Variants in GAB2 observed in about 807,000 individuals in gnomAD.
GAB2 encodes GRB2-associated-binding protein 2.
Under a neutral mutation model 65.5 loss-of-function variants are expected in GAB2, and 26 were observed. The observed-to-expected ratio is 0.40, with a 90% CI of 0.29 to 0.55. The LOEUF (loss-of-function observed/expected upper bound fraction) is 0.55. Among genes scored for constraint, GAB2 ranks in the 20% least tolerant of loss-of-function variants. GAB2 has a pLI of 0.53. For missense variants in GAB2, 884 were observed against 875.8 expected (o/e 1.01, Z -0.12); for synonymous variants, 321 against 329.6 (o/e 0.97, Z 0.28).
At chr11:78,291,561 C>CT (rs1163199130) in intron 1 of GAB2, among the ~76,000 whole-genome samples, 56 of 80,892 alleles carry the variant, frequency 6.9e-4, no homozygotes, top group East Asian at 4.3e-3. Flanking sequence ...TTTTCTTTTT[C>CT]TTTTTTTTTT....
Position 78,240,349 on chromosome 11 carries a change from A to AG in GAB2, c.620+9807dup, listed in dbSNP as rs1408817105. The stretch of plus-strand genomic sequence containing the variant: ...GAATGGGTGCCCTAGCTGAGCTGAG[A>AG]GGGGGTGCATTCCAAGGCTGAGCTG... On this transcript the variant is annotated intron_variant, in intron 3 of 9. Coordinates refer to ENST00000361507, the MANE Select transcript of GAB2 (RefSeq NM_080491.3). Among the ~76,000 whole-genome samples the AG allele has an allele frequency of 3.3e-5, 5 of 151,864 alleles. No individual in the cohort carries two copies. In the South Asian group the frequency reaches 8.3e-4, roughly 25 times the overall value.
intron 2 of GAB2, among the ~76,000 whole-genome samples, chr11:78,265,732 G>C (rs1401874117): frequency 1.3e-5 from 2 of 152,034 alleles, no homozygotes; most frequent in African/African-American, 4.8e-5. Context: ...TAAAGTACAT[G>C]TTATATGTTT....
chr11:78,411,875 C>G (rs1156389403), intron 1 of GAB2, among the ~76,000 whole-genome samples: 4 of 151,974 alleles, frequency 2.6e-5, no homozygotes, highest in African/African-American at 9.7e-5. Context: ...ACTAAAAATA[C>G]AAAAATGAGC....
Position 78,222,943 on chromosome 11 carries a change from C to T in GAB2, c.1567+469G>A, listed in dbSNP as rs188963030. ...TCACCGTGACTACTCCCTGCTGCTC[C>T]TGGCCAGGTCGGTGCAAGCCACAGT... On this transcript the variant is annotated intron_variant, in intron 6 of 9. Transcript: ENST00000361507. Among the ~76,000 whole-genome samples, 924 of 152,312 alleles carry T rather than the reference C, an allele frequency of 6.1e-3. 7 individuals carry two copies. The highest frequency in any genetic ancestry group is 0.02 in the Middle Eastern group (6 of 294).
chr11:78,409,519 G>A (rs529207797), intron 1 of GAB2, among the ~76,000 whole-genome samples: 1 of 152,310 alleles, frequency 6.6e-6, no homozygotes, highest in Admixed American at 6.5e-5. Context: ...AGGAGGTGGA[G>A]GTTGCGGAGA....
At chr11:78,400,714 T>G (rs1045666400) in intron 1 of GAB2, among the ~76,000 whole-genome samples, 5 of 151,632 alleles carry the variant, frequency 3.3e-5, no homozygotes, top group Non-Finnish European at 5.9e-5. Flanking sequence ...ACCAGCCTGG[T>G]CAACAGAGCA....
At chr11:78,239,041 T>C (rs887563577) in intron 3 of GAB2, among the ~76,000 whole-genome samples, 1 of 150,694 alleles carries the variant, frequency 6.6e-6, no homozygotes, top group African/African-American at 2.4e-5. Flanking sequence ...CACTAATCAT[T>C]AGGGAAATAC....
Position 78,223,425 on chromosome 11 carries a change from T to C in GAB2, c.1554A>G (p.Lys518=). Residue 518 remains lysine, a synonymous_variant, in exon 6 of 10, where the codon AAA becomes AAG. Transcript: ENST00000361507. ...IQPPPVNRNL[K]PDRKAKPTPL... ...GAATGGACTTACCTTTCCGATCAGG[T>C]TTGAGGTTGCGGTTGACAGGGGGTG... 1 of 1,559,340 alleles carries C rather than the reference T, an allele frequency of 6.4e-7. No individual in the cohort carries two copies. Among genetic ancestry groups the C allele is most frequent in the East Asian group, 2.3e-5 (1 of 43,652 alleles).
chr11:78,282,826 A>G (rs1362379937), intron 1 of GAB2, among the ~76,000 whole-genome samples: 2 of 152,162 alleles, frequency 1.3e-5, no homozygotes, highest in Non-Finnish European at 2.9e-5. Flanking sequence ...TAATTCTACC[A>G]TCTTTTCACT....
chr11:78,362,974 G>T (rs1052368940), intron 1 of GAB2, among the ~76,000 whole-genome samples: 10 of 152,060 alleles, frequency 6.6e-5, no homozygotes, highest in African/African-American at 1.7e-4. Flanking sequence ...TATAAAGCAA[G>T]AATTGCCATT....
At chr11:78,276,514 G>A (rs927905017) in intron 2 of GAB2, among the ~76,000 whole-genome samples, 14 of 152,242 alleles carry the variant, frequency 9.2e-5, no homozygotes, top group Non-Finnish European at 1.8e-4. Flanking sequence ...GGTGATTCCC[G>A]TTATAGCATG....
intron 1 of GAB2, among the ~76,000 whole-genome samples, chr11:78,332,510 T>A (rs948026701): frequency 7.9e-5 from 12 of 152,230 alleles, no homozygotes; most frequent in Admixed American, 7.8e-4. Context: ...CCCAGTGTCC[T>A]ACACACATAT....
At chr11:78,342,362 A>C (rs1856110652) in intron 1 of GAB2, among the ~76,000 whole-genome samples, 1 of 151,256 alleles carries the variant, frequency 6.6e-6, no homozygotes, top group South Asian at 2.1e-4. Context: ...TTTAAAATAC[A>C]ATATAAACCC....
chr11:78,395,825 T>G (rs1213927439), intron 1 of GAB2, among the ~76,000 whole-genome samples: 1 of 152,210 alleles, frequency 6.6e-6, no homozygotes, highest in African/African-American at 2.4e-5. Flanking sequence ...ACAAAGCATA[T>G]GGGAGGTTTA....
chr11:78,413,580 A>G (rs1265011424), intron 1 of GAB2, among the ~76,000 whole-genome samples: 1 of 152,138 alleles, frequency 6.6e-6, no homozygotes, highest in Non-Finnish European at 1.5e-5. Flanking sequence ...GCCGACTGAG[A>G]AGAAGGTGGG....
intron 1 of GAB2, among the ~76,000 whole-genome samples, chr11:78,387,563 A>C (rs1014691293): frequency 6.6e-6 from 1 of 152,108 alleles, no homozygotes; most frequent in Non-Finnish European, 1.5e-5. Flanking sequence ...AGAACTGCTT[A>C]ATCATTACAT....
At chr11:78,340,136 C>G (rs184658905) in intron 1 of GAB2, among the ~76,000 whole-genome samples, 3 of 152,288 alleles carry the variant, frequency 2.0e-5, no homozygotes, top group Non-Finnish European at 4.4e-5. Context: ...TGGATGTTTT[C>G]TATTCTGCTT....
chr11:78,409,079 G>A (rs1428360193), intron 1 of GAB2, among the ~76,000 whole-genome samples: 1 of 152,138 alleles, frequency 6.6e-6, no homozygotes, highest in Non-Finnish European at 1.5e-5. Context: ...TGGAAAAGAT[G>A]TATCATGTGA....
chr11:78,312,299 ACCACCACCACC>A (rs1334086430), intron 1 of GAB2, among the ~76,000 whole-genome samples: 1 of 151,906 alleles, frequency 6.6e-6, no homozygotes, highest in Non-Finnish European at 1.5e-5. Context: ...CACCACCACC[ACCACCACCACC>A]ACAACAAAAA....
Sources: allele counts gnomAD v4.1 joint callset (sites outside exome capture counted in the v4.1 genomes callset), GRCh38; gene constraint gnomAD v4.1.1; transcripts MANE v1.5; gene names NCBI Gene and HGNC (gene_info 2026-07-23, HGNC 2026-07-21).